CNOT1: variants seen among roughly 807,000 people sequenced by gnomAD.
CNOT1 encodes the protein CCR4-associated factor 1.
In CNOT1, 15 loss-of-function variants were observed where a neutral mutation model predicts 273.8. That is an observed-to-expected ratio of 0.05 (90% CI 0.04 to 0.08). CNOT1 has a LOEUF of 0.08. Ranked by LOEUF, CNOT1 falls within the 10% of genes least tolerant of loss-of-function variation. The pLI is 1.00. For synonymous variants in CNOT1, 1,022 were observed against 1,005.5 expected (o/e 1.02, Z -0.31); for missense variants, 1,644 against 2,912.2 (o/e 0.56, Z 10.02).
rs146042341 is a variant in CNOT1, at chr16:58,606,988, A to T, written c.-174-7477T>A. Among the ~76,000 whole-genome samples the T allele has an allele frequency of 2.0e-3, 307 of 152,260 alleles. 1 individual carries two copies. Among genetic ancestry groups the T allele is most frequent in the African/African-American group, 7.2e-3 (300 of 41,560 alleles). ...CTAGAGAACACTATACAATATTACTAATTGTCTATTGAACATTCAATCTAA... is the reference window on the plus strand; with the variant it reads ...CTAGAGAACACTATACAATATTACTTATTGTCTATTGAACATTCAATCTAA... On this transcript the variant is annotated intron_variant, in intron 1 of 48. Coordinates refer to ENST00000317147, the MANE Select transcript of CNOT1 (RefSeq NM_016284.5).
At chr16:58,551,913 G>A (rs55948576) in intron 22 of CNOT1, 94 bp from the exon 23 acceptor site, 1 of 1,513,294 alleles carries the variant, frequency 6.6e-7, no homozygotes, top group Non-Finnish European at 8.9e-7. Context: ...ACATGTCTGA[G>A]TGCTCTTTTG....
At chr16:58,545,618 G>T in intron 29 of CNOT1, 127 bp from the exon 30 acceptor site, 2 of 1,167,856 alleles carry the variant, frequency 1.7e-6, no homozygotes, top group Admixed American at 2.6e-5. Context: ...AGGGAAGGAT[G>T]TAGCAGGTCC....
Position 58,602,567 on chromosome 16 carries a change from A to AC in CNOT1, c.-174-3057_-174-3056insG, listed in dbSNP as rs1404333544. ...GACTCTGTCTCCAAAAAAAAAAAAA[A>AC]AAAAAAAAAACCCATCCATAAATTA... On this transcript the variant is annotated intron_variant, in intron 1 of 48. Coordinates refer to ENST00000317147, the MANE Select transcript of CNOT1 (RefSeq NM_016284.5). Among the ~76,000 whole-genome samples, 513 of 146,104 alleles carry AC rather than the reference A, an allele frequency of 3.5e-3. 8 individuals carry two copies. Among genetic ancestry groups the AC allele is most frequent in the African/African-American group, 0.012 (470 of 40,384 alleles).
chr16:58,586,725 G>A lies in CNOT1; in HGVS notation c.457C>T (p.Leu153Phe), dbSNP rs368864282. The A allele has an allele frequency of 1.9e-5, 30 of 1,612,920 alleles. No individual in the cohort carries two copies. In the African/African-American group the frequency reaches 3.2e-4, roughly 17 times the overall value. Reference sequence around the variant, plus strand: ...ATGTAAGAACGCAGAAGATCTGGAAGCTTCTGTTTGATAAACTGGGCAGCT... The same window carrying A: ...ATGTAAGAACGCAGAAGATCTGGAAACTTCTGTTTGATAAACTGGGCAGCT... The part of the protein sequence containing the change: ...GFAAQFIKQK[L>F]PDLLRSYIDA... Residue 153 changes from leucine (L) to phenylalanine (F), a missense_variant, in exon 7 of 49, where the codon CTT becomes TTT. By Grantham distance (22) the Leu-to-Phe change is conservative. This residue lies in a region of CNOT1 where 706 missense variants were observed against 1,021.2 expected (regional missense o/e 0.69). Coordinates refer to ENST00000317147, the MANE Select transcript of CNOT1 (RefSeq NM_016284.5).
At chr16:58,583,004 T>A (rs2041707374) in intron 9 of CNOT1, 52 bp downstream of exon 9, 2 of 1,604,344 alleles carry the variant, frequency 1.2e-6, no homozygotes, top group Non-Finnish European at 1.7e-6. Context: ...TAAAAAAAAA[T>A]AAAGAGGACA....
chr16:58,620,538 C>T (rs1243727649), intron 1 of CNOT1, among the ~76,000 whole-genome samples: 3 of 150,048 alleles, frequency 2.0e-5, no homozygotes, highest in African/African-American at 7.4e-5. Flanking sequence ...AGCTACTCGG[C>T]GGGGATAAGG....
intron 21 of CNOT1, among the ~76,000 whole-genome samples, chr16:58,554,820 C>A (rs55637287): frequency 0.32 from 48,016 of 150,912 alleles, 9,585 homozygotes; most frequent in Non-Finnish European, 0.45. Flanking sequence ...TCTGTAATCC[C>A]AGCTACTTGA....
intron 30 of CNOT1, among the ~76,000 whole-genome samples, chr16:58,544,308 A>G (rs2040188777): frequency 6.6e-6 from 1 of 152,230 alleles, no homozygotes; most frequent in Non-Finnish European, 1.5e-5. Flanking sequence ...AAAAACTATT[A>G]AAATTAATTC....
chr16:58,569,610 A>G (rs934700690), intron 16 of CNOT1, among the ~76,000 whole-genome samples: 1 of 146,928 alleles, frequency 6.8e-6, no homozygotes, highest in African/African-American at 2.6e-5. Context: ...ACTGTAATAA[A>G]GTTTCACTAA....
intron 1 of CNOT1, among the ~76,000 whole-genome samples, chr16:58,627,451 T>C (rs2043633544): frequency 7.2e-6 from 1 of 138,474 alleles, no homozygotes; most frequent in African/African-American, 2.7e-5. Flanking sequence ...TCAGAATCTA[T>C]CCTAAAACAT....
At chr16:58,539,446 CAGAG>C (rs79096112) in intron 35 of CNOT1, among the ~76,000 whole-genome samples, 3 of 146,876 alleles carry the variant, frequency 2.0e-5, no homozygotes, top group Non-Finnish European at 3.0e-5. Context: ...TCAAGCCTGA[CAGAG>C]AGAGACCCTG....
Position 58,537,903 on chromosome 16 carries a change from T to C in CNOT1, c.5402A>G (p.Asn1801Ser), listed in dbSNP as rs767422192. Residue 1801 changes from asparagine to serine, a missense_variant, in exon 38 of 49, where the codon AAT becomes AGT. Transcript: ENST00000317147. Reference sequence around the variant, plus strand: ...ATTTCATCCTCACCCTTCTGGAGCATTGCCTCTGGAATGAGCATTAATCCT... The same window carrying C: ...ATTTCATCCTCACCCTTCTGGAGCACTGCCTCTGGAATGAGCATTAATCCT... The part of the protein sequence containing the change: ...LMRINAHSRG[N>S]APEGLPQLME... 9.3e-6 allele frequency: 15 copies of C among 1,614,034 alleles called. No individual in the cohort carries two copies. The highest frequency in any genetic ancestry group is 5.0e-5 in the Admixed American group (3 of 60,002).
Position 58,520,726 on chromosome 16 carries a change from A to G in CNOT1, c.*232T>C, listed in dbSNP as rs1206837625. The G allele has an allele frequency of 9.0e-6, 5 of 552,812 alleles. No homozygotes were observed. Among genetic ancestry groups the G allele is most frequent in the Non-Finnish European group, 1.6e-5 (5 of 308,612 alleles). The allele number at this position is 552,812 out of a possible 1,614,324, so 34.2% of individuals were successfully genotyped here. A position where few individuals can be genotyped will look rare whatever the true frequency, so the allele number is the denominator to read the frequency against. ...CTTTCATGTATTTACACAAGTTCAA[A>G]ATGATATTCACAGCATCTTCTAAAT... On this transcript the variant is annotated 3_prime_UTR_variant, in exon 49 of 49. Coordinates refer to ENST00000317147, the MANE Select transcript of CNOT1 (RefSeq NM_016284.5).
intron 12 of CNOT1, among the ~76,000 whole-genome samples, chr16:58,579,188 T>C (rs1376714946): frequency 1.3e-5 from 2 of 152,132 alleles, no homozygotes; most frequent in African/African-American, 4.8e-5. Flanking sequence ...GGATAGAGAA[T>C]GAAGTAAACA....
At chr16:58,534,514 T>A in intron 39 of CNOT1, 119 bp from the exon 40 acceptor site, 1 of 1,123,416 alleles carries the variant, frequency 8.9e-7, no homozygotes, top group African/African-American at 1.6e-5. Flanking sequence ...ATATTTCTAA[T>A]TCTTACATTG....
At chr16:58,535,431 A>G (rs934041793) in intron 39 of CNOT1, among the ~76,000 whole-genome samples, 2 of 152,358 alleles carry the variant, frequency 1.3e-5, no homozygotes, top group East Asian at 1.9e-4. Context: ...TCAAAAGGAT[A>G]CAAAACAGCA....
At chr16:58,560,819 G>A (rs2151943377) in intron 16 of CNOT1, among the ~76,000 whole-genome samples, 1 of 152,350 alleles carries the variant, frequency 6.6e-6, no homozygotes, top group Non-Finnish European at 1.5e-5. Context: ...GAGGTCAGGA[G>A]TTCGAGACCA....
chr16:58,603,825 C>T (rs925441708), intron 1 of CNOT1, among the ~76,000 whole-genome samples: 2 of 152,110 alleles, frequency 1.3e-5, no homozygotes, highest in Admixed American at 1.3e-4. Flanking sequence ...ACTGTAATCC[C>T]CACACCCCTG....
chr16:58,623,013 T>C (rs978778459), intron 1 of CNOT1, among the ~76,000 whole-genome samples: 1 of 151,078 alleles, frequency 6.6e-6, no homozygotes, highest in Admixed American at 6.6e-5. Context: ...GCCTGACCAA[T>C]ATGGCAAAAC....
Sources: allele counts gnomAD v4.1 joint callset (sites outside exome capture counted in the v4.1 genomes callset), GRCh38; gene constraint gnomAD v4.1.1; regional missense constraint gnomAD v4.1.1; transcripts MANE v1.5; gene names NCBI Gene and HGNC (gene_info 2026-07-23, HGNC 2026-07-21).